Variants in DPH6 observed in about 807,000 individuals in gnomAD.
DPH6 encodes diphthamine biosynthesis 6.
Under a neutral mutation model 38.2 loss-of-function variants are expected in DPH6, and 33 were observed. That is an observed-to-expected ratio of 0.86 (90% CI 0.65 to 1.15). The LOEUF (loss-of-function observed/expected upper bound fraction) is 1.15. Ranked by LOEUF, DPH6 falls within the 50% of genes most tolerant of loss-of-function variation. The pLI is 0.00. For missense variants in DPH6, 325 were observed against 320.0 expected (o/e 1.02, Z -0.12); for synonymous variants, 108 against 103.0 (o/e 1.05, Z -0.30).
intron 3 of DPH6, among the ~76,000 whole-genome samples, chr15:35,225,988 T>C (rs1310210073): frequency 6.6e-6 from 1 of 152,228 alleles, no homozygotes; most frequent in Non-Finnish European, 1.5e-5. Flanking sequence ...GGCATGTGCC[T>C]ATAGTAGCAG....
chr15:35,146,503 A>T, the DPH6 span, among the ~76,000 whole-genome samples: 1 of 152,136 alleles, frequency 6.6e-6, no homozygotes, highest in East Asian at 1.9e-4. Flanking sequence ...TTATGATGAG[A>T]GGGAGAAGAA....
chr15:35,243,755 C>T (rs2140403411), intron 3 of DPH6, among the ~76,000 whole-genome samples: 1 of 152,092 alleles, frequency 6.6e-6, no homozygotes, highest in East Asian at 1.9e-4. Flanking sequence ...CGGACTCAGC[C>T]CGCCTGCACC....
Position 35,243,265 on chromosome 15 carries a change from G to C in DPH6, n.201-22683C>G, listed in dbSNP as rs955401753. ...AATCTCTCCCACTCTAGGTTCCCAC[G>C]CCGCCCCTAATACCGCTTGAAGCAG... On this transcript the variant is annotated intron_variant and non_coding_transcript_variant, in intron 3 of 3. Transcript: ENST00000560386. 2.8e-5 allele frequency among the ~76,000 whole-genome samples: 4 copies of C among 141,456 alleles called. 2 individuals carry two copies. The Admixed American group carries it at 3.1e-4, about 11-fold the overall frequency. The allele number at this position is 141,456 out of a possible 152,430, so 92.8% of individuals were successfully genotyped here. A position where few individuals can be genotyped will look rare whatever the true frequency, so the allele number is the denominator to read the frequency against.
At chr15:35,391,820 C>A (rs2053062650) in intron 6 of DPH6, among the ~76,000 whole-genome samples, 1 of 152,202 alleles carries the variant, frequency 6.6e-6, no homozygotes, top group African/African-American at 2.4e-5. Flanking sequence ...CCTGCTTTGG[C>A]TCATGCATGG....
intron 2 of DPH6, among the ~76,000 whole-genome samples, chr15:35,541,142 CAT>C (rs562438504): frequency 1.3e-5 from 2 of 152,122 alleles, no homozygotes; most frequent in South Asian, 4.1e-4. Context: ...AAAATCCAAA[CAT>C]GTGCATTTAC....
chr15:35,310,304 C>T (rs1379259193), intron 3 of DPH6, among the ~76,000 whole-genome samples: 1 of 152,176 alleles, frequency 6.6e-6, no homozygotes, highest in Non-Finnish European at 1.5e-5. Context: ...ATAATTACAA[C>T]AGCTTTAACT....
intron 3 of DPH6, among the ~76,000 whole-genome samples, chr15:35,226,202 G>C (rs1365457405): frequency 6.6e-6 from 1 of 152,154 alleles, no homozygotes; most frequent in East Asian, 1.9e-4. Context: ...AAATGTTCAT[G>C]TATCTATTCG....
chr15:35,405,401 T>C (rs1467877725), intron 6 of DPH6, among the ~76,000 whole-genome samples: 2 of 152,100 alleles, frequency 1.3e-5, no homozygotes, highest in African/African-American at 4.8e-5. Flanking sequence ...GTTTTATAGT[T>C]TTCTTTGTAG....
intron 5 of DPH6, among the ~76,000 whole-genome samples, chr15:35,416,176 G>C (rs1180826622): frequency 6.6e-6 from 1 of 151,976 alleles, no homozygotes; most frequent in Non-Finnish European, 1.5e-5. Context: ...TAGTGTTAGA[G>C]AGTTTACAAA....
At position 35,230,212 on chromosome 15, in the gene DPH6, C is replaced by T. The variant is rs118043377; in HGVS notation, n.201-9630G>A. 3.4e-3 allele frequency among the ~76,000 whole-genome samples: 517 copies of T among 152,336 alleles called. 5 individuals carry two copies. Among genetic ancestry groups the T allele is most frequent in the Non-Finnish European group, 6.2e-3 (420 of 68,026 alleles). On this transcript the variant is annotated intron_variant and non_coding_transcript_variant, in intron 3 of 3. Transcript: ENST00000560386. ...CACCTGGTGTTCTACTATACTGCAG[C>T]TGAGCTGGCACTCAAATCACAAGAC...
chr15:35,236,364 C>T (rs529752406), intron 3 of DPH6, among the ~76,000 whole-genome samples: 5 of 152,268 alleles, frequency 3.3e-5, no homozygotes, highest in Non-Finnish European at 5.9e-5. Context: ...GTTGGCTGGG[C>T]GCGGTGGCTC....
intron 5 of DPH6, among the ~76,000 whole-genome samples, chr15:35,437,717 C>T (rs951582791): frequency 1.3e-5 from 2 of 152,192 alleles, no homozygotes; most frequent in African/African-American, 4.8e-5. Flanking sequence ...CCTAGTACTC[C>T]ACAGGCCTGT....
intron 4 of DPH6, among the ~76,000 whole-genome samples, chr15:35,453,685 T>C (rs1439407862): frequency 1.3e-5 from 2 of 152,124 alleles, no homozygotes; most frequent in South Asian, 2.1e-4. Context: ...AGATCATATT[T>C]CTCTTCACTT....
At chr15:35,534,700 C>T (rs952954081) in intron 3 of DPH6, among the ~76,000 whole-genome samples, 1 of 152,000 alleles carries the variant, frequency 6.6e-6, no homozygotes, top group African/African-American at 2.4e-5. Flanking sequence ...TCATATGTGA[C>T]TAGTGAGAGT....
chr15:35,434,539 T>G (rs1448787099), intron 5 of DPH6, among the ~76,000 whole-genome samples: 3 of 152,098 alleles, frequency 2.0e-5, no homozygotes, highest in Non-Finnish European at 4.4e-5. Context: ...AGACAAAGAT[T>G]GGGTCAATAA....
chr15:35,454,338 C>G (rs1225653631), intron 4 of DPH6, among the ~76,000 whole-genome samples: 1 of 152,004 alleles, frequency 6.6e-6, no homozygotes, highest in Non-Finnish European at 1.5e-5. Context: ...TTATATGAAC[C>G]AAAGAGGAGA....
chr15:35,348,810 G>A (rs914116787), intron 3 of DPH6, among the ~76,000 whole-genome samples: 3 of 151,936 alleles, frequency 2.0e-5, no homozygotes, highest in Admixed American at 6.6e-5. Flanking sequence ...TTTGTGTCTT[G>A]TTTAATTTTT....
At chr15:35,279,430 C>A (rs1390229463) in intron 3 of DPH6, among the ~76,000 whole-genome samples, 1 of 152,038 alleles carries the variant, frequency 6.6e-6, no homozygotes, top group Non-Finnish European at 1.5e-5. Context: ...TTTGCTCCCT[C>A]CAAATGTCAG....
chr15:35,359,323 A>G (rs971046671), intron 3 of DPH6, among the ~76,000 whole-genome samples: 7 of 152,150 alleles, frequency 4.6e-5, no homozygotes, highest in African/African-American at 1.7e-4. Flanking sequence ...CCTGTGAAAG[A>G]AAAGGGCTTG....
Sources: gnomAD v4.1 joint callset for allele counts (sites outside exome capture counted in the v4.1 genomes callset) on GRCh38, gnomAD v4.1.1 for gene constraint, MANE v1.5 for transcripts, NCBI Gene and HGNC (gene_info 2026-07-23, HGNC 2026-07-21) for gene names.